FNDC3B: variants seen among roughly 807,000 people sequenced by gnomAD.
FNDC3B encodes the protein fibronectin type III domain containing 3B, also known as fibronectin type III domain-containing protein 3B.
Under a neutral mutation model 151.5 loss-of-function variants are expected in FNDC3B, and 12 were observed. That is an observed-to-expected ratio of 0.08 (90% confidence interval 0.05 to 0.13). The LOEUF (loss-of-function observed/expected upper bound fraction) is 0.13, where lower values mean the gene tolerates loss of function less well. Among genes scored for constraint, FNDC3B ranks in the 10% least tolerant of loss-of-function variants. The pLI, the probability that FNDC3B is intolerant of heterozygous loss-of-function variation, is 1.00. For synonymous variants in FNDC3B, 528 were observed against 549.0 expected, an observed-to-expected ratio of 0.96 and a Z score of 0.54; for missense variants, 1,214 against 1,505.3, an observed-to-expected ratio of 0.81 and a Z score of 3.20.
chr3:172,062,209 A>C (rs1237642235), intron 1 of FNDC3B, among the ~76,000 whole-genome samples: 1 of 151,492 alleles, frequency 6.6e-6, no homozygotes, highest in Non-Finnish European at 1.5e-5. Context: ...GCTATATACA[A>C]ATTTATTCTT....
rs10561622 is a variant in FNDC3B at position 172,149,806 on chromosome 3, G to GTTTTTTTTTTT, written c.187+16280_187+16290dup. ...TGTGTATACCTTTTGTATGTTGGGTGTTTTTTTTTTTTTTTTTTTTTTTTT... is the reference window on the plus strand; with the variant it reads ...TGTGTATACCTTTTGTATGTTGGGTGTTTTTTTTTTTTTTTTTTTTTTTTTTTTTTTTTTTT... On this transcript the variant is annotated intron_variant, in intron 3 of 25. Transcript: ENST00000415807. Among the ~76,000 whole-genome samples, 29 of 52,508 alleles carry GTTTTTTTTTTT rather than the reference G, an allele frequency of 5.5e-4. 6 individuals carry two copies. Among genetic ancestry groups the GTTTTTTTTTTT allele is most frequent in the African/African-American group, 2.2e-3 (28 of 12,776 alleles). 34.4% of individuals were successfully genotyped at this position (52,508 alleles called of 152,430 possible).
At chr3:172,066,392 G>A (rs922694293) in intron 1 of FNDC3B, among the ~76,000 whole-genome samples, 29 of 152,308 alleles carry the variant, frequency 1.9e-4, no homozygotes, top group African/African-American at 6.7e-4. Flanking sequence ...TTTTCCTGAT[G>A]AGAAAACTGA....
intron 11 of FNDC3B, among the ~76,000 whole-genome samples, chr3:172,318,458 C>A (rs1236501125): frequency 1.3e-5 from 2 of 152,230 alleles, no homozygotes; most frequent in Admixed American, 6.5e-5. Context: ...TCCTGCTTAG[C>A]TCAAGTGTTG....
At chr3:172,151,999 T>C (rs1265834555) in intron 3 of FNDC3B, among the ~76,000 whole-genome samples, 1 of 152,222 alleles carries the variant, frequency 6.6e-6, no homozygotes, top group Non-Finnish European at 1.5e-5. Context: ...TGATATCCAC[T>C]TGTGGATACT....
intron 3 of FNDC3B, among the ~76,000 whole-genome samples, chr3:172,190,507 T>G (rs1398461531): frequency 6.6e-6 from 1 of 152,184 alleles, no homozygotes; most frequent in African/African-American, 2.4e-5. Context: ...TAGTCAATTT[T>G]CAAATTTTGC....
intron 1 of FNDC3B, among the ~76,000 whole-genome samples, chr3:172,049,159 G>A (rs748192508): frequency 6.6e-6 from 1 of 152,182 alleles, no homozygotes; most frequent in Non-Finnish European, 1.5e-5. Flanking sequence ...TATTGAAGAT[G>A]TATCCTACAC....
intron 23 of FNDC3B, among the ~76,000 whole-genome samples, chr3:172,375,932 G>A (rs920383623): frequency 6.6e-6 from 1 of 152,118 alleles, no homozygotes; most frequent in African/African-American, 2.4e-5. Flanking sequence ...TGATTGAACT[G>A]TAAAGCTGAA....
intron 1 of FNDC3B, among the ~76,000 whole-genome samples, chr3:172,064,999 C>T (rs1265855504): frequency 1.3e-5 from 2 of 152,254 alleles, no homozygotes; most frequent in East Asian, 3.9e-4. Context: ...TTATTGCAAC[C>T]TTATGGGCAT....
chr3:172,248,870 TA>T (rs1727923835), intron 5 of FNDC3B, among the ~76,000 whole-genome samples: 1 of 146,730 alleles, frequency 6.8e-6, no homozygotes, highest in Admixed American at 6.7e-5. Context: ...GTGTTTTGTT[TA>T]TTTTTTTTTG....
intron 8 of FNDC3B, among the ~76,000 whole-genome samples, chr3:172,296,559 A>G (rs1221994515): frequency 6.6e-6 from 1 of 152,192 alleles, no homozygotes; most frequent in Non-Finnish European, 1.5e-5. Flanking sequence ...CACTGCAGAA[A>G]CAAACTCAGG....
At chr3:172,226,686 A>G (rs1319963189) in intron 3 of FNDC3B, among the ~76,000 whole-genome samples, 185 bp from the exon 4 acceptor site, 1 of 152,188 alleles carries the variant, frequency 6.6e-6, no homozygotes, top group East Asian at 1.9e-4. Flanking sequence ...TTTGAGTTGT[A>G]TAGCTGGAGA....
At chr3:172,259,357 A>T (rs542376415) in intron 6 of FNDC3B, among the ~76,000 whole-genome samples, 1 of 152,330 alleles carries the variant, frequency 6.6e-6, no homozygotes, top group South Asian at 2.1e-4. Context: ...TTTCAAGCGT[A>T]GGCTGCCAGA....
At chr3:172,108,242 C>A (rs1353014229) in intron 1 of FNDC3B, among the ~76,000 whole-genome samples, 1 of 151,982 alleles carries the variant, frequency 6.6e-6, no homozygotes, top group Admixed American at 6.6e-5. Context: ...GTTTCAGTAA[C>A]ATCCTCATCC....
intron 1 of FNDC3B, among the ~76,000 whole-genome samples, chr3:172,098,989 A>AT (rs1470805497): frequency 1.3e-5 from 2 of 152,222 alleles, no homozygotes; most frequent in Non-Finnish European, 2.9e-5. Context: ...GGCAATGTAA[A>AT]TACACATTCC....
At chr3:172,212,741 C>A (rs1480063387) in intron 3 of FNDC3B, among the ~76,000 whole-genome samples, 2 of 152,154 alleles carry the variant, frequency 1.3e-5, no homozygotes, top group Non-Finnish European at 2.9e-5. Context: ...GTAACTTGCC[C>A]AGGGCCATAC....
intron 25 of FNDC3B, among the ~76,000 whole-genome samples, chr3:172,389,380 C>G (rs1346046776): frequency 6.6e-6 from 1 of 152,054 alleles, no homozygotes; most frequent in Non-Finnish European, 1.5e-5. Flanking sequence ...TGTGAATTTG[C>G]TGACTTTTAA....
chr3:172,130,528 G>T (rs573730639), intron 2 of FNDC3B, among the ~76,000 whole-genome samples: 2 of 152,080 alleles, frequency 1.3e-5, no homozygotes, highest in African/African-American at 2.4e-5. Flanking sequence ...AGTAAGCAGG[G>T]GGGGAAGGTA....
chr3:172,342,791 C>G lies in FNDC3B; in HGVS notation c.1972-220C>G, dbSNP rs533220942. On this transcript the variant is annotated intron_variant, in intron 17 of 25. Coordinates refer to ENST00000415807, the MANE Select transcript of FNDC3B (RefSeq NM_022763.4). ...TCAAAAATAATCATTCTTGTTTTTC[C>G]CAGTGCCATATGAAGTCTATAGCCA... Among the ~76,000 whole-genome samples, 9 of 152,126 alleles carry G rather than the reference C, an allele frequency of 5.9e-5. No individual in the cohort carries two copies. In the South Asian group the frequency reaches 1.5e-3, roughly 25 times the overall value.
At chr3:172,359,742 AG>A (rs1400867320) in intron 22 of FNDC3B, among the ~76,000 whole-genome samples, 3 of 152,190 alleles carry the variant, frequency 2.0e-5, no homozygotes, top group African/African-American at 7.2e-5. Context: ...ATGGGAGGCA[AG>A]GAAGAGTTCT....
Sources: allele counts gnomAD v4.1 joint callset (sites outside exome capture counted in the v4.1 genomes callset), GRCh38; gene constraint gnomAD v4.1.1; transcripts MANE v1.5; gene names NCBI Gene and HGNC (gene_info 2026-07-23, HGNC 2026-07-21).